Variants in CCNJL observed in about 807,000 individuals in gnomAD.
The protein encoded by CCNJL is cyclin J like.
CCNJL carries 33 observed loss-of-function variants against 33.4 expected under a neutral mutation model. The ratio of observed to expected loss-of-function variants is 0.99; its 90% CI spans 0.75 to 1.32. The LOEUF (loss-of-function observed/expected upper bound fraction) is 1.32, where lower values mean the gene tolerates loss of function less well. CCNJL is among the 40% of genes most tolerant of loss of function. The pLI, the probability that CCNJL is intolerant of heterozygous loss-of-function variation, is 0.00. For missense variants in CCNJL, 512 were observed against 499.7 expected (o/e 1.02, Z -0.23); for synonymous variants, 227 against 220.9 (o/e 1.03, Z -0.24).
intron 2 of CCNJL, among the ~76,000 whole-genome samples, chr5:160,287,967 T>C (rs1210540304): frequency 1.3e-5 from 2 of 152,152 alleles, no homozygotes; most frequent in Non-Finnish European, 2.9e-5. Flanking sequence ...CTGTTGGCCC[T>C]TGATCACCTG....
chr5:160,308,231 C>T (rs1561806825), intron 2 of CCNJL, among the ~76,000 whole-genome samples: 1 of 152,222 alleles, frequency 6.6e-6, no homozygotes, highest in Non-Finnish European at 1.5e-5. Context: ...ACCCACCATG[C>T]ACCTCACACT....
intron 2 of CCNJL, among the ~76,000 whole-genome samples, chr5:160,292,736 A>G (rs1259390998): frequency 6.6e-6 from 1 of 151,830 alleles, no homozygotes; most frequent in African/African-American, 2.4e-5. Context: ...ACAATTTAAT[A>G]TTTTTTTCTA....
intron 2 of CCNJL, among the ~76,000 whole-genome samples, chr5:160,295,877 T>C (rs182952087): frequency 5.3e-5 from 8 of 152,306 alleles, no homozygotes; most frequent in Admixed American, 3.3e-4. Flanking sequence ...GTTGTCACAG[T>C]AGCCCTAGGG....
chr5:160,292,186 C>T (rs771909528), intron 2 of CCNJL, among the ~76,000 whole-genome samples: 3 of 152,166 alleles, frequency 2.0e-5, no homozygotes, highest in East Asian at 1.9e-4. Context: ...CTCTTTCCTC[C>T]GAAATTTAGC....
upstream of CCNJL, among the ~76,000 whole-genome samples, chr5:160,317,298 C>A (rs1763391018): frequency 6.6e-6 from 1 of 152,182 alleles, no homozygotes; most frequent in African/African-American, 2.4e-5. Context: ...AACTCAAAGC[C>A]TAGGACATTC....
chr5:160,257,663 A>C (rs1761129822), intron 4 of CCNJL, among the ~76,000 whole-genome samples: 1 of 151,968 alleles, frequency 6.6e-6, no homozygotes, highest in South Asian at 2.1e-4. Context: ...AAAGGAAAAA[A>C]AAAAATAAGC....
At chr5:160,254,306 G>T in intron 5 of CCNJL, 1 of 669,448 alleles carries the variant, frequency 1.5e-6, no homozygotes, top group Non-Finnish European at 2.7e-6. Context: ...TTGACCGCTG[G>T]GGCCTAGGAT....
rs1420160509 is a variant in CCNJL at position 160,251,940 on chromosome 5, AT to A, written c.*1437del. 1.3e-5 allele frequency: 2 copies of A among 152,180 alleles called. No homozygotes were observed. The highest frequency in any genetic ancestry group is 2.9e-5 in the Non-Finnish European group (2 of 68,046). 9.4% of individuals were successfully genotyped at this position (152,180 alleles called of 1,614,324 possible). ...TGAGATTTTCAGCTGCTCTGGAAAG[AT>A]TCACCACCTTCCGATCTGACTCAGC... On this transcript the variant is annotated 3_prime_UTR_variant, in exon 6 of 6. Transcript: ENST00000257536.
At chr5:160,309,756 G>C (rs1262760834) in intron 2 of CCNJL, among the ~76,000 whole-genome samples, 1 of 152,204 alleles carries the variant, frequency 6.6e-6, no homozygotes, top group Non-Finnish European at 1.5e-5. Flanking sequence ...AGTATTTTGA[G>C]GAGGTGGGAC....
At chr5:160,330,811 G>A (rs1763597630) in intron 1 of CCNJL, among the ~76,000 whole-genome samples, 1 of 151,902 alleles carries the variant, frequency 6.6e-6, no homozygotes, top group South Asian at 2.1e-4. Context: ...TTACAGGCAT[G>A]CGCCATCATG....
Position 160,253,532 on chromosome 5 carries a change from A to T in CCNJL, c.1010T>A (p.Leu337Gln). The T allele has an allele frequency of 1.2e-6, 2 of 1,614,202 alleles. No individual in the cohort carries two copies. The highest frequency in any genetic ancestry group is 1.7e-6 in the Non-Finnish European group (2 of 1,180,028). ...CACGGGACACATATCCAAGGGCTGCAGCGGTTGGTACGGGGTGTGGAGGGA... is the reference window on the plus strand; with the variant it reads ...CACGGGACACATATCCAAGGGCTGCTGCGGTTGGTACGGGGTGTGGAGGGA... Reference protein sequence around the residue: ...GSSLHTPYQPLQPLDMCPVPV... With the variant: ...GSSLHTPYQPQQPLDMCPVPV... The change falls in exon 6 of 6, where the codon CTG (leucine) becomes CAG (glutamine). Residue 337 changes from leucine (L) to glutamine (Q), a missense_variant. Transcript: ENST00000257536.
At chr5:160,287,969 G>C (rs555217779) in intron 2 of CCNJL, among the ~76,000 whole-genome samples, 1 of 152,300 alleles carries the variant, frequency 6.6e-6, no homozygotes, top group Admixed American at 6.5e-5. Flanking sequence ...GTTGGCCCTT[G>C]ATCACCTGAC....
chr5:160,296,687 G>C (rs1762759337), intron 2 of CCNJL, among the ~76,000 whole-genome samples: 1 of 152,094 alleles, frequency 6.6e-6, no homozygotes, highest in East Asian at 1.9e-4. Context: ...TGCATCTCCT[G>C]GTCCTCCCCA....
chr5:160,263,436 C>T (rs760046985), intron 3 of CCNJL, among the ~76,000 whole-genome samples: 5 of 152,154 alleles, frequency 3.3e-5, no homozygotes, highest in South Asian at 4.1e-4. Context: ...AGTCTATTAC[C>T]GCTGAAGTCC....
chr5:160,260,121 C>G (rs534909544), intron 3 of CCNJL, among the ~76,000 whole-genome samples: 1 of 152,314 alleles, frequency 6.6e-6, no homozygotes, highest in Non-Finnish European at 1.5e-5. Flanking sequence ...CAGCCGATAG[C>G]GGTCAGCAGC....
At chr5:160,257,896 G>C (rs1431704389) in intron 4 of CCNJL, among the ~76,000 whole-genome samples, 1 of 151,508 alleles carries the variant, frequency 6.6e-6, no homozygotes, top group East Asian at 1.9e-4. Context: ...GCCCAAGCTG[G>C]AGTTCAATGG....
chr5:160,320,928 C>T (rs1763443731), intron 1 of CCNJL, among the ~76,000 whole-genome samples: 1 of 144,194 alleles, frequency 6.9e-6, no homozygotes, highest in Admixed American at 7.1e-5. Context: ...TCCTTCCTTC[C>T]TTCTTTCCTT....
rs1761161604 is a variant in CCNJL at position 160,258,323 on chromosome 5, C to A, written c.583+1146G>T. ...GGTATTCGAAAATGGTATTACAACGCCACAGGATTCAATAAACTGGGGTTA... is the reference window on the plus strand; with the variant it reads ...GGTATTCGAAAATGGTATTACAACGACACAGGATTCAATAAACTGGGGTTA... On this transcript the variant is annotated intron_variant, in intron 4 of 5. Transcript: ENST00000257536. The A allele has an allele frequency of 5.3e-6, 4 of 760,012 alleles. No individual in the cohort carries two copies. In the Admixed American group the frequency reaches 5.3e-5, roughly 10 times the overall value. 47.1% of individuals were successfully genotyped at this position (760,012 alleles called of 1,614,324 possible).
At chr5:160,279,110 C>A (rs1762119641) in intron 3 of CCNJL, among the ~76,000 whole-genome samples, 1 of 152,184 alleles carries the variant, frequency 6.6e-6, no homozygotes, top group East Asian at 1.9e-4. Context: ...ATCTGTGCTT[C>A]CGGAACTGGG....
Sources: gnomAD v4.1 joint callset for allele counts (sites outside exome capture counted in the v4.1 genomes callset) on GRCh38, gnomAD v4.1.1 for gene constraint, MANE v1.5 for transcripts, NCBI Gene and HGNC (gene_info 2026-07-23, HGNC 2026-07-21) for gene names.